The following SLC39A11 variants were observed in gnomAD, a reference collection of about 807,000 sequenced individuals.
SLC39A11 encodes the protein solute carrier family 39 member 11.
SLC39A11 carries 33 observed loss-of-function variants against 36.1 expected under a neutral mutation model. The observed-to-expected ratio is 0.91, with a 90% CI of 0.69 to 1.22. The LOEUF is 1.22. Ranked by LOEUF, SLC39A11 falls within the 50% of genes most tolerant of loss-of-function variation. The pLI, the probability that SLC39A11 is intolerant of heterozygous loss-of-function variation, is 0.00. For missense variants in SLC39A11, 432 were observed against 430.3 expected (o/e 1.00, Z -0.03); for synonymous variants, 166 against 170.3 (o/e 0.97, Z 0.20).
At chr17:72,860,057 G>T (rs12942863) in intron 5 of SLC39A11, among the ~76,000 whole-genome samples, 2 of 148,646 alleles carry the variant, frequency 1.3e-5, no homozygotes, top group African/African-American at 5.0e-5. Context: ...AGGAAAGAAA[G>T]AAAAGAAAGA....
chr17:72,922,235 C>T (rs1160501014), intron 5 of SLC39A11, among the ~76,000 whole-genome samples: 6 of 152,210 alleles, frequency 3.9e-5, no homozygotes, highest in Non-Finnish European at 8.8e-5. Context: ...ATCCTTCAAA[C>T]AAACTTCCAA....
intron 7 of SLC39A11, among the ~76,000 whole-genome samples, chr17:72,665,246 A>T (rs1468816299): frequency 1.3e-5 from 2 of 152,122 alleles, no homozygotes; most frequent in African/African-American, 4.8e-5. Context: ...ACTTCAGGTG[A>T]CTGCAGCCCC....
At chr17:73,021,776 T>C (rs768013445) in intron 4 of SLC39A11, among the ~76,000 whole-genome samples, 2 of 152,182 alleles carry the variant, frequency 1.3e-5, no homozygotes, top group African/African-American at 4.8e-5. Flanking sequence ...GTTACAACTT[T>C]ATGGCCTAAC....
chr17:72,709,580 A>G (rs576427179), intron 7 of SLC39A11, among the ~76,000 whole-genome samples: 13 of 152,342 alleles, frequency 8.5e-5, no homozygotes, highest in African/African-American at 2.4e-4. Flanking sequence ...AAGGTATTCA[A>G]TGGACAATGG....
chr17:72,677,688 G>A (rs536862493), intron 7 of SLC39A11, among the ~76,000 whole-genome samples: 8 of 152,090 alleles, frequency 5.3e-5, no homozygotes, highest in Non-Finnish European at 7.3e-5. Flanking sequence ...GCCCCTCCCC[G>A]GCAGGCATAG....
intron 7 of SLC39A11, among the ~76,000 whole-genome samples, chr17:72,663,665 G>A (rs867574096): frequency 1.3e-5 from 2 of 152,112 alleles, no homozygotes; most frequent in Admixed American, 6.5e-5. Flanking sequence ...CATTTCCTGC[G>A]GACCTGGCAT....
intron 5 of SLC39A11, among the ~76,000 whole-genome samples, chr17:72,858,576 A>G (rs78691709): frequency 6.6e-6 from 1 of 152,212 alleles, no homozygotes; most frequent in Middle Eastern, 3.2e-3. Flanking sequence ...CAGTATAGGC[A>G]TTTTAATACT....
intron 6 of SLC39A11, among the ~76,000 whole-genome samples, chr17:72,783,502 GT>G (rs2076395503): frequency 6.6e-6 from 1 of 152,242 alleles, no homozygotes; most frequent in South Asian, 2.1e-4. Context: ...AACATGCTGA[GT>G]TTGGAGCCTG....
At chr17:72,885,544 C>G (rs1360202302) in intron 5 of SLC39A11, among the ~76,000 whole-genome samples, 1 of 152,128 alleles carries the variant, frequency 6.6e-6, no homozygotes, top group Non-Finnish European at 1.5e-5. Context: ...CCATCTCAAC[C>G]AACTAATCCC....
intron 5 of SLC39A11, among the ~76,000 whole-genome samples, chr17:72,928,900 C>T (rs2084217423): frequency 6.6e-6 from 1 of 152,204 alleles, no homozygotes; most frequent in African/African-American, 2.4e-5. Context: ...CTGCTTCATG[C>T]CAGGCACTGC....
intron 6 of SLC39A11, among the ~76,000 whole-genome samples, chr17:72,766,461 A>T (rs965400218): frequency 6.6e-5 from 10 of 152,310 alleles, no homozygotes; most frequent in African/African-American, 2.4e-4. Flanking sequence ...CACCACCTCA[A>T]GGCCTTGTAC....
intron 6 of SLC39A11, among the ~76,000 whole-genome samples, chr17:72,783,019 A>AAG (rs1378918448): frequency 1.4e-5 from 2 of 145,870 alleles, no homozygotes; most frequent in Non-Finnish European, 3.0e-5. Flanking sequence ...AAAAAAAAAA[A>AAG]AAAGAAAAAA....
intron 6 of SLC39A11, among the ~76,000 whole-genome samples, chr17:72,761,938 C>G (rs552725018): frequency 6.6e-6 from 1 of 152,286 alleles, no homozygotes; most frequent in East Asian, 1.9e-4. Context: ...GGGACCAGAG[C>G]CCCATTCTGG....
At chr17:72,921,462 G>A (rs1329708025) in intron 5 of SLC39A11, among the ~76,000 whole-genome samples, 3 of 152,186 alleles carry the variant, frequency 2.0e-5, no homozygotes, top group Admixed American at 6.5e-5. Flanking sequence ...GCAGATCAGA[G>A]TGGAGAGGAG....
chr17:72,997,974 A>G (rs763332002), intron 4 of SLC39A11, among the ~76,000 whole-genome samples: 7 of 152,214 alleles, frequency 4.6e-5, no homozygotes, highest in Non-Finnish European at 8.8e-5. Flanking sequence ...TCAGAAGAAA[A>G]TCATATGCTG....
intron 6 of SLC39A11, among the ~76,000 whole-genome samples, chr17:72,773,387 A>C (rs1299805648): frequency 1.3e-5 from 2 of 152,124 alleles, no homozygotes; most frequent in African/African-American, 2.4e-5. Context: ...GGCTTCCCCC[A>C]TCCAGTTCTC....
chr17:72,883,528 T>C (rs190049768), intron 5 of SLC39A11, among the ~76,000 whole-genome samples: 73 of 152,324 alleles, frequency 4.8e-4, no homozygotes, highest in Non-Finnish European at 5.9e-5. Flanking sequence ...GCTAGCCAGT[T>C]AATTACACGG....
At chr17:72,818,867 T>C (rs1005726075) in intron 6 of SLC39A11, 2 of 152,238 alleles carry the variant, frequency 1.3e-5, no homozygotes, top group Non-Finnish European at 2.9e-5. Flanking sequence ...CCATCCTTTT[T>C]ATTTGTACAG....
intron 5 of SLC39A11, among the ~76,000 whole-genome samples, chr17:72,918,206 C>T (rs1336751775): frequency 6.6e-6 from 1 of 151,992 alleles, no homozygotes; most frequent in African/African-American, 2.4e-5. Flanking sequence ...GTCAGGAGTC[C>T]GAGACCAGCC....
Sources: allele counts gnomAD v4.1 joint callset (sites outside exome capture counted in the v4.1 genomes callset), GRCh38; gene constraint gnomAD v4.1.1; transcripts MANE v1.5; gene names NCBI Gene and HGNC (gene_info 2026-07-23, HGNC 2026-07-21).